The following CORO1C variants were observed in gnomAD, a reference collection of about 807,000 sequenced individuals.
CORO1C encodes the protein coronin 1C.
Under a neutral mutation model 51.2 loss-of-function variants are expected in CORO1C, and 14 were observed. The observed-to-expected ratio is 0.27, with a 90% CI of 0.18 to 0.43. CORO1C has a LOEUF of 0.43. Ranked by LOEUF, CORO1C falls within the 20% of genes least tolerant of loss-of-function variation. CORO1C has a pLI of 1.00. For missense variants in CORO1C, 417 were observed against 607.8 expected (o/e 0.69, Z 3.30); for synonymous variants, 181 against 210.5 (o/e 0.86, Z 1.21).
At chr12:108,676,081 A>T (rs562808186) in intron 3 of CORO1C, among the ~76,000 whole-genome samples, 1 of 152,366 alleles carries the variant, frequency 6.6e-6, no homozygotes, top group East Asian at 1.9e-4. Context: ...CAAGTTTTTA[A>T]AACTGGCAAG....
In CORO1C at chr12:108,646,596, C is replaced by T. The variant is rs536556453; in HGVS notation, c.*807G>A. 2 of 152,256 alleles carry T rather than the reference C, an allele frequency of 1.3e-5. No individual in the cohort carries two copies. Among genetic ancestry groups the T allele is most frequent in the African/African-American group, 4.8e-5 (2 of 41,562 alleles). 9.4% of individuals were successfully genotyped at this position (152,256 alleles called of 1,614,324 possible). A position where few individuals can be genotyped will look rare whatever the true frequency, so the allele number is the denominator to read the frequency against. On this transcript the variant is annotated 3_prime_UTR_variant, in exon 11 of 11. Transcript: ENST00000261401. The stretch of plus-strand genomic sequence containing the variant: ...TGGGTTAGATTATAATCATCTGAAG[C>T]ACAGGATAACCGAGAAGCAAAATTC...
intron 1 of CORO1C, among the ~76,000 whole-genome samples, chr12:108,711,712 A>G (rs2035186328): frequency 6.6e-6 from 1 of 152,016 alleles, no homozygotes; most frequent in African/African-American, 2.4e-5. Context: ...CTTATAAGCT[A>G]CATAGGAAAC....
chr12:108,655,438 C>T (rs1056711449), intron 6 of CORO1C, among the ~76,000 whole-genome samples: 43 of 151,330 alleles, frequency 2.8e-4, no homozygotes, highest in African/African-American at 9.7e-4. Flanking sequence ...GATGCCGAGC[C>T]GAAGCTGGAC....
At chr12:108,703,798 G>A (rs1417382641) in intron 1 of CORO1C, among the ~76,000 whole-genome samples, 1 of 152,040 alleles carries the variant, frequency 6.6e-6, no homozygotes, top group Admixed American at 6.6e-5. Flanking sequence ...ACCCAGCACA[G>A]GTGTGAACAG....
chr12:108,696,133 T>C (rs529432306), intron 2 of CORO1C, among the ~76,000 whole-genome samples: 1 of 152,192 alleles, frequency 6.6e-6, no homozygotes, highest in South Asian at 2.1e-4. Flanking sequence ...ATACCCATCC[T>C]ATCCTGGCCA....
chr12:108,701,949 T>A (rs1021673505), intron 1 of CORO1C: 2 of 156,874 alleles, frequency 1.3e-5, no homozygotes, highest in African/African-American at 4.8e-5. Flanking sequence ...ACAGACGTAA[T>A]AATCAGAGCA....
intron 1 of CORO1C, among the ~76,000 whole-genome samples, chr12:108,727,726 C>T (rs974700991): frequency 2.0e-5 from 3 of 152,056 alleles, no homozygotes; most frequent in Admixed American, 6.6e-5. Context: ...ACTAGTAAGA[C>T]CCCACTATTC....
chr12:108,648,549 T>G, intron 10 of CORO1C, 56 bp downstream of exon 10: 1 of 1,607,840 alleles, frequency 6.2e-7, no homozygotes, highest in South Asian at 1.1e-5. Flanking sequence ...CACAAGGGCT[T>G]TCTAGAGGAT....
chr12:108,673,230 T>TA (rs1161498780), intron 3 of CORO1C, among the ~76,000 whole-genome samples: 1 of 152,078 alleles, frequency 6.6e-6, no homozygotes, highest in Non-Finnish European at 1.5e-5. Flanking sequence ...ACATGAATGA[T>TA]AAAAAAGCAA....
At chr12:108,725,478 G>A (rs1381311767) in intron 1 of CORO1C, among the ~76,000 whole-genome samples, 1 of 152,186 alleles carries the variant, frequency 6.6e-6, no homozygotes, top group Non-Finnish European at 1.5e-5. Context: ...ACACTACAGA[G>A]GAGGAAAGTG....
At chr12:108,700,864 C>T (rs1250775551) in intron 2 of CORO1C, 5 of 352,776 alleles carry the variant, frequency 1.4e-5, no homozygotes. Flanking sequence ...AATTCCTATG[C>T]CTGCCCATGC....
At chr12:108,669,697 G>A (rs919768876) in intron 3 of CORO1C, among the ~76,000 whole-genome samples, 2 of 149,868 alleles carry the variant, frequency 1.3e-5, no homozygotes, top group African/African-American at 4.9e-5. Flanking sequence ...AAAAGGCGGG[G>A]GGTGGCGGGG....
At chr12:108,720,462 A>G (rs947991291) in intron 1 of CORO1C, among the ~76,000 whole-genome samples, 1 of 152,206 alleles carries the variant, frequency 6.6e-6, no homozygotes, top group Non-Finnish European at 1.5e-5. Context: ...ACATATAAAC[A>G]TCTTGCTAAC....
chr12:108,651,645 G>A (rs555734856), intron 8 of CORO1C, among the ~76,000 whole-genome samples: 31 of 152,296 alleles, frequency 2.0e-4, no homozygotes, highest in African/African-American at 6.5e-4. Flanking sequence ...ACCAGGGAAC[G>A]CTGACCATGG....
chr12:108,680,278 G>T lies in CORO1C; in HGVS notation c.196-1884C>A, dbSNP rs146956059. Reference sequence around the variant, plus strand: ...CTGGAGAGGTTTTCTTCTGGGAAAGGTAAGTTCTAAGTTGAGGCCTGAATA... The same window carrying T: ...CTGGAGAGGTTTTCTTCTGGGAAAGTTAAGTTCTAAGTTGAGGCCTGAATA... On this transcript the variant is annotated intron_variant, in intron 2 of 10. Coordinates refer to ENST00000261401, the MANE Select transcript of CORO1C (RefSeq NM_014325.4). Among the ~76,000 whole-genome samples, 584 of 152,282 alleles carry T rather than the reference G, an allele frequency of 3.8e-3. 3 individuals carry two copies. Among genetic ancestry groups the T allele is most frequent in the Non-Finnish European group, 5.8e-3 (392 of 68,022 alleles).
chr12:108,693,295 C>T (rs2034561571), intron 2 of CORO1C, among the ~76,000 whole-genome samples: 1 of 152,120 alleles, frequency 6.6e-6, no homozygotes, highest in Admixed American at 6.5e-5. Flanking sequence ...GGAATGATCC[C>T]ACCCTACCAA....
intron 3 of CORO1C, chr12:108,668,445 A>G (rs2033579739): frequency 6.6e-6 from 1 of 152,250 alleles, no homozygotes; most frequent in Admixed American, 6.5e-5. Context: ...AAACTATATT[A>G]GAAAGCATTA....
intron 2 of CORO1C, among the ~76,000 whole-genome samples, chr12:108,694,447 A>G (rs1282541395): frequency 6.6e-6 from 1 of 152,224 alleles, no homozygotes. Flanking sequence ...CTCTGGTAAT[A>G]TTACTGATAA....
intron 1 of CORO1C, among the ~76,000 whole-genome samples, chr12:108,727,211 C>CA (rs2035614555): frequency 6.6e-6 from 1 of 152,332 alleles, no homozygotes; most frequent in East Asian, 1.9e-4. Flanking sequence ...ACTATTAGCT[C>CA]AAATTCAGGT....
Sources: allele counts gnomAD v4.1 joint callset (sites outside exome capture counted in the v4.1 genomes callset), GRCh38; gene constraint gnomAD v4.1.1; transcripts MANE v1.5; gene names NCBI Gene and HGNC (gene_info 2026-07-23, HGNC 2026-07-21).